BCOR: variants seen among roughly 807,000 people sequenced by gnomAD.
BCOR encodes the protein BCL6 corepressor.
BCOR carries 10 observed loss-of-function variants against 86.7 expected under a neutral mutation model. The ratio of observed to expected loss-of-function variants is 0.12; its 90% CI spans 0.07 to 0.20. The LOEUF (loss-of-function observed/expected upper bound fraction) is 0.20. BCOR is among the 10% of genes least tolerant of loss of function. The probability of loss-of-function intolerance (pLI) is 1.00; values close to 1 mark genes in which losing one functional copy is unlikely to be tolerated. For missense variants in BCOR, 1,259 were observed against 1,452.1 expected (o/e 0.87, Z 2.16); for synonymous variants, 611 against 609.0 (o/e 1.00, Z -0.05).
intron 2 of BCOR, chrX:40,077,096 G>A (rs1011893683): frequency 2.8e-5 from 7 of 249,449 alleles, no homozygotes; most frequent in African/African-American, 1.7e-4. Flanking sequence ...CAAAATGACA[G>A]GGGGATACAC....
chrX:40,101,084 G>C (rs1283429249), upstream of BCOR, among the ~76,000 whole-genome samples: 2 of 110,235 alleles, frequency 1.8e-5, no homozygotes, highest in Admixed American at 1.9e-4. Flanking sequence ...AAGGCAGAGG[G>C]GGGGAGGGGA....
At chrX:40,057,699 T>C (rs919095565) in intron 10 of BCOR, among the ~76,000 whole-genome samples, 2 of 112,503 alleles carry the variant, frequency 1.8e-5, no homozygotes, top group Non-Finnish European at 3.8e-5. Context: ...TGGTTGCTAA[T>C]GTTTCAAACA....
chrX:40,072,993 G>A lies in BCOR; in HGVS notation c.2353C>T (p.Leu785=), dbSNP rs762808020. Residue 785 remains leucine (L), a synonymous_variant, in exon 4 of 15, where the codon CTA becomes TTA. Transcript: ENST00000378444. The part of the protein sequence containing the change: ...LHPDVPTDKN[L]KPNPNWNQGK... ...TGATTCCAGTTGGGGTTCGGCTTTA[G>A]GTTCTTGTCGGTGGGGACATCTGGA... 1.6e-6 allele frequency: 2 copies of A among 1,212,157 alleles called. No homozygotes were observed. The highest frequency in any genetic ancestry group is 3.5e-5 in the South Asian group (2 of 56,990).
intron 1 of BCOR, among the ~76,000 whole-genome samples, chrX:40,134,059 G>C (rs1055396430): frequency 9.2e-6 from 1 of 108,775 alleles, no homozygotes; most frequent in Non-Finnish European, 1.9e-5. Flanking sequence ...GCTCCGCAGA[G>C]GAGGTGGGGC....
At chrX:40,056,474 G>T (rs185955519) in intron 11 of BCOR, among the ~76,000 whole-genome samples, 2 of 111,006 alleles carry the variant, frequency 1.8e-5, no homozygotes, top group African/African-American at 3.3e-5. Context: ...GGATACAGAG[G>T]CCTCCTACCT....
chrX:40,169,189 A>G (rs1569202440), intron 1 of BCOR, among the ~76,000 whole-genome samples: 1 of 112,990 alleles, frequency 8.9e-6, no homozygotes, highest in East Asian at 2.8e-4. Context: ...GGCGATGCAG[A>G]CAGAGGCTCC....
At chrX:40,153,042 C>G (rs745569578) in intron 1 of BCOR, among the ~76,000 whole-genome samples, 2 of 113,119 alleles carry the variant, frequency 1.8e-5, no homozygotes, top group African/African-American at 3.2e-5. Context: ...GCAGCCTGCC[C>G]GGCCAAGTGG....
Position 40,139,488 on chromosome X carries a change from TA to T in BCOR, c.-41+37518del, listed in dbSNP as rs1937856951. ...ATATATATATATATATATATATATA[TA>T]TATATATATTTTTTTTTTTTTTTAA... On this transcript the variant is annotated intron_variant, in intron 1 of 14. Transcript: ENST00000342274. Among the ~76,000 whole-genome samples the T allele has an allele frequency of 1.7e-3, 26 of 15,166 alleles. 9 individuals are homozygous for T. The highest frequency in any genetic ancestry group is 3.7e-3 in the South Asian group (1 of 268). 13.2% of individuals were successfully genotyped at this position (15,166 alleles called of 115,157 possible). A position where few individuals can be genotyped will look rare whatever the true frequency, so the allele number is the denominator to read the frequency against.
At chrX:40,105,902 G>A (rs935463749) in intron 1 of BCOR, among the ~76,000 whole-genome samples, 2 of 112,445 alleles carry the variant, frequency 1.8e-5, no homozygotes, top group East Asian at 2.8e-4. Flanking sequence ...AAAACAGATG[G>A]GGCAAAACCT....
intron 1 of BCOR, among the ~76,000 whole-genome samples, chrX:40,160,533 AT>A: frequency 9.2e-6 from 1 of 108,759 alleles, no homozygotes; most frequent in South Asian, 3.9e-4. Context: ...AAAAAAAAAA[AT>A]CAGTCAATCA....
At chrX:40,105,065 G>A (rs1371376996) in intron 1 of BCOR, among the ~76,000 whole-genome samples, 1 of 110,220 alleles carries the variant, frequency 9.1e-6, no homozygotes, top group African/African-American at 3.3e-5. Context: ...TGGCGCCGGG[G>A]CGCCAAGCTG....
At chrX:40,067,299 G>A (rs1013515259) in intron 6 of BCOR, among the ~76,000 whole-genome samples, 15 of 111,873 alleles carry the variant, frequency 1.3e-4, no homozygotes, top group Non-Finnish European at 2.6e-4. Flanking sequence ...TTAGATATGG[G>A]GAGGTCTTGC....
intron 14 of BCOR, among the ~76,000 whole-genome samples, 195 bp from the exon 15 acceptor site, chrX:40,052,595 C>T (rs1205278148): frequency 2.4e-5 from 2 of 83,814 alleles, no homozygotes; most frequent in Admixed American, 1.6e-4. Context: ...GACGGAATCT[C>T]GCTCTGTCGC....
chrX:40,093,055 G>C (rs1936689775), intron 1 of BCOR, among the ~76,000 whole-genome samples: 1 of 112,311 alleles, frequency 8.9e-6, no homozygotes, highest in African/African-American at 3.2e-5. Context: ...ATTGTCTCTG[G>C]AACGCACTTA....
At chrX:40,131,660 GAAGAGAAGA>G (rs1315036423) in intron 1 of BCOR, among the ~76,000 whole-genome samples, 4 of 90,817 alleles carry the variant, frequency 4.4e-5, no homozygotes, top group Non-Finnish European at 9.3e-5. Context: ...AAAGAGAAGA[GAAGAGAAGA>G]GGAGACAAGA....
At chrX:40,145,255 G>C (rs1042920426) in intron 1 of BCOR, among the ~76,000 whole-genome samples, 58 of 111,461 alleles carry the variant, frequency 5.2e-4, no homozygotes, top group Non-Finnish European at 9.4e-5. Context: ...GCTCCGGACT[G>C]GGCCCACACC....
In BCOR at chrX:40,124,609, C is replaced by T. The variant is rs771387940; in HGVS notation, c.-40-46640G>A. On this transcript the variant is annotated intron_variant, in intron 1 of 14. Transcript: ENST00000342274. ...TTTAAAATCAATTCTATTCCACAAA[C>T]ACTTCTTTTTGAGAGGGGGGTCTCA... is the stretch of plus-strand genomic sequence containing the variant. 3.7e-5 allele frequency among the ~76,000 whole-genome samples: 4 copies of T among 106,899 alleles called. No homozygotes were observed. In the South Asian group the frequency reaches 1.6e-3, roughly 44 times the overall value. 92.8% of individuals were successfully genotyped at this position (106,899 alleles called of 115,157 possible). A position where few individuals can be genotyped will look rare whatever the true frequency, so the allele number is the denominator to read the frequency against.
intron 1 of BCOR, among the ~76,000 whole-genome samples, chrX:40,113,830 T>C (rs1006525651): frequency 5.4e-5 from 6 of 110,873 alleles, no homozygotes; most frequent in African/African-American, 2.0e-4. Context: ...TTCTTTCTTT[T>C]TTTTTTGAGA....
At chrX:40,077,725 T>A (rs1234574274) in intron 2 of BCOR, 119 bp downstream of exon 2, 8 of 624,513 alleles carry the variant, frequency 1.3e-5, no homozygotes, top group Admixed American at 1.1e-4. Flanking sequence ...AGCGGCCTAC[T>A]AGGCGGGAAG....
Sources: allele counts gnomAD v4.1 joint callset (sites outside exome capture counted in the v4.1 genomes callset), GRCh38; gene constraint gnomAD v4.1.1; transcripts MANE v1.5; gene names NCBI Gene and HGNC (gene_info 2026-07-23, HGNC 2026-07-21).